SEPTIN8: variants seen among roughly 807,000 people sequenced by gnomAD.
SEPTIN8 encodes the protein septin 8.
A neutral mutation model predicts 53.1 loss-of-function variants in SEPTIN8; 22 were observed. That is an observed-to-expected ratio of 0.41 (90% CI 0.30 to 0.59). The LOEUF is 0.59. SEPTIN8 is among the 20% of genes least tolerant of loss of function. SEPTIN8 has a pLI of 0.24. For missense variants in SEPTIN8, 536 were observed against 638.7 expected (o/e 0.84, Z 1.73); for synonymous variants, 228 against 248.4 (o/e 0.92, Z 0.77).
At chr5:132,769,549 G>A (rs1424533812) in intron 1 of SEPTIN8, among the ~76,000 whole-genome samples, 1 of 152,130 alleles carries the variant, frequency 6.6e-6, no homozygotes, top group Non-Finnish European at 1.5e-5. Context: ...TAACTAACAT[G>A]TATTGCATGC....
At chr5:132,779,999 T>G (rs1230963142), upstream of SEPTIN8, among the ~76,000 whole-genome samples, 1 of 152,238 alleles carries the variant, frequency 6.6e-6, no homozygotes, top group African/African-American at 2.4e-5. Context: ...CACACTTTCT[T>G]CTTGTTGCTT....
At chr5:132,774,486 A>C (rs1561775905) in intron 1 of SEPTIN8, among the ~76,000 whole-genome samples, 1 of 152,188 alleles carries the variant, frequency 6.6e-6, no homozygotes, top group Non-Finnish European at 1.5e-5. Context: ...CGAGGAAGGC[A>C]AGAGGCAACA....
Position 132,776,972 on chromosome 5 carries a change from G to A in SEPTIN8, c.30+136C>T. The stretch of plus-strand genomic sequence containing the variant: ...TAGCGCGGCCGAGAGCCCGCGCCGG[G>A]GTCCTCGAGCTGGCCCGGTGTCGAG... On this transcript the variant is annotated intron_variant, in intron 1 of 9. Transcript: ENST00000378719. This position sits in a 1 kb window ranked among gnomAD's most constrained non-coding sequence, Gnocchi z 4.4. The A allele has an allele frequency of 4.5e-6, 2 of 443,254 alleles. No individual in the cohort carries two copies. Among genetic ancestry groups the A allele is most frequent in the Non-Finnish European group, 6.5e-6 (2 of 305,414 alleles). The allele number at this position is 443,254 out of a possible 1,614,324, so 27.5% of individuals were successfully genotyped here. A position where few individuals can be genotyped will look rare whatever the true frequency, so the allele number is the denominator to read the frequency against.
chr5:132,770,105 ATATG>A (rs1468976405), intron 1 of SEPTIN8, among the ~76,000 whole-genome samples: 887 of 25,132 alleles, frequency 0.035, 11 homozygotes, highest in Middle Eastern at 0.043. Context: ...ATATATGTAT[ATATG>A]TATATATATA....
In SEPTIN8 at chr5:132,777,174, C is replaced by G. The variant is rs960056635; in HGVS notation, c.-37G>C. 2.6e-6 allele frequency: 3 copies of G among 1,165,520 alleles called. No individual in the cohort carries two copies. The East Asian group carries it at 1.2e-4, about 45-fold the overall frequency. 72.2% of individuals were successfully genotyped at this position (1,165,520 alleles called of 1,614,324 possible). Reference sequence around the variant, plus strand: ...CACCGGGCGGGTGGGCTGGGACGAGCGCAGGGGCAGCGACAGGGACCAGCC... The same window carrying G: ...CACCGGGCGGGTGGGCTGGGACGAGGGCAGGGGCAGCGACAGGGACCAGCC... On this transcript the variant is annotated 5_prime_UTR_variant, in exon 1 of 10. Coordinates refer to ENST00000378719, the MANE Select transcript of SEPTIN8 (RefSeq NM_001098811.2). This position sits in a 1 kb window ranked among gnomAD's most constrained non-coding sequence, Gnocchi z 4.1.
At chr5:132,763,075 G>A (rs1363416267) in intron 4 of SEPTIN8, among the ~76,000 whole-genome samples, 3 of 152,152 alleles carry the variant, frequency 2.0e-5, no homozygotes, top group Non-Finnish European at 2.9e-5. Flanking sequence ...AGGCTATCCC[G>A]TTTTTTACAA....
Position 132,751,209 on chromosome 5 carries a change from TA to T in SEPTIN8, c.*806del, listed in dbSNP as rs1754817357. On this transcript the variant is annotated 3_prime_UTR_variant, in exon 10 of 10. Transcript: ENST00000378719. ...CCAGACTCCCACTTCTAAAGGACATTAAATTAACTTTACAAAGATTTTTAGA... is the reference window on the plus strand; with the variant it reads ...CCAGACTCCCACTTCTAAAGGACATTAATTAACTTTACAAAGATTTTTAGA... The T allele has an allele frequency of 4.2e-6, 2 of 471,604 alleles. No homozygotes were observed. The highest frequency in any genetic ancestry group is 7.3e-6 in the Non-Finnish European group (2 of 273,902). 29.2% of individuals were successfully genotyped at this position (471,604 alleles called of 1,614,324 possible). A position where few individuals can be genotyped will look rare whatever the true frequency, so the allele number is the denominator to read the frequency against.
At chr5:132,777,855 T>A, upstream of SEPTIN8, 2 of 985,488 alleles carry the variant, frequency 2.0e-6, no homozygotes, top group Non-Finnish European at 2.4e-6. The surrounding 1 kb of genome is among the most constrained non-coding windows in gnomAD (Gnocchi z 4.1). Flanking sequence ...CGGCTCCTTG[T>A]GCAACCAACG....
Position 132,751,038 on chromosome 5 carries a change from T to G in SEPTIN8, c.*978A>C, listed in dbSNP as rs2149937318. ...TTTACAGAGTCTACCCTAAACTCGTTTGTGCCTTTGGAACAGCTGTTTACA... is the reference window on the plus strand; with the variant it reads ...TTTACAGAGTCTACCCTAAACTCGTGTGTGCCTTTGGAACAGCTGTTTACA... On this transcript the variant is annotated 3_prime_UTR_variant, in exon 10 of 10. Coordinates refer to ENST00000378719, the MANE Select transcript of SEPTIN8 (RefSeq NM_001098811.2). The G allele has an allele frequency of 6.2e-7, 1 of 1,603,412 alleles. No homozygotes were observed.
chr5:132,751,184 C>G lies in SEPTIN8; in HGVS notation c.*832G>C. ...GTATCTTAAATCCAACACAGTTCCA[C>G]CAGACTCCCACTTCTAAAGGACATT... On this transcript the variant is annotated 3_prime_UTR_variant, in exon 10 of 10. Coordinates refer to ENST00000378719, the MANE Select transcript of SEPTIN8 (RefSeq NM_001098811.2). 1 of 527,496 alleles carries G rather than the reference C, an allele frequency of 1.9e-6. No individual in the cohort carries two copies. The highest frequency in any genetic ancestry group is 3.2e-6 in the Non-Finnish European group (1 of 312,706). The allele number at this position is 527,496 out of a possible 1,614,324, so 32.7% of individuals were successfully genotyped here.
chr5:132,763,579 T>TG, intron 4 of SEPTIN8, 127 bp downstream of exon 4: 1 of 816,358 alleles, frequency 1.2e-6, no homozygotes, highest in Non-Finnish European at 2.0e-6. Flanking sequence ...ACCGAGCCAA[T>TG]GGGGGGCCAC....
In SEPTIN8 at chr5:132,770,109, G is replaced by GTATA. The variant is rs376943829; in HGVS notation, c.31-4584_31-4581dup. 6.2e-3 allele frequency among the ~76,000 whole-genome samples: 504 copies of GTATA among 80,740 alleles called. 7 individuals are homozygous for GTATA. The highest frequency in any genetic ancestry group is 0.017 in the Admixed American group (122 of 7,224). 53.0% of individuals were successfully genotyped at this position (80,740 alleles called of 152,430 possible). On this transcript the variant is annotated intron_variant, in intron 1 of 9. Transcript: ENST00000378719. ...TATATGTATATATATATGTATATAT[G>GTATA]TATATATATATATATGTATATATGT...
rs763130178 is a variant in SEPTIN8 at position 132,764,436 on chromosome 5, G to C, written c.152-17C>G. On this transcript the variant is annotated splice_polypyrimidine_tract_variant and intron_variant, in intron 2 of 9. Coordinates refer to ENST00000378719, the MANE Select transcript of SEPTIN8 (RefSeq NM_001098811.2). ...CGGTCTCCCCTGGGCAGTGAGGACA[G>C]GAGGGGAAGAAGTGGGTGTCATAGG... is the stretch of plus-strand genomic sequence containing the variant. The C allele has an allele frequency of 6.2e-7, 1 of 1,601,698 alleles. No homozygotes were observed. Among genetic ancestry groups the C allele is most frequent in the South Asian group, 1.1e-5 (1 of 89,180 alleles).
chr5:132,763,795 T>G lies in SEPTIN8; in HGVS notation c.445A>C (p.Arg149=), dbSNP rs1412381939. 1 of 1,613,686 alleles carries G rather than the reference T, an allele frequency of 6.2e-7. No homozygotes were observed. The highest frequency in any genetic ancestry group is 1.1e-5 in the South Asian group (1 of 90,986). ...RRSLFDYHDT[R]IHVCLYFITP... Reference sequence around the variant, plus strand: ...ATGAAGTAGAGGCAAACGTGGATCCTTGTGTCATGGTAGTCGAAGAGCGAG... The same window carrying G: ...ATGAAGTAGAGGCAAACGTGGATCCGTGTGTCATGGTAGTCGAAGAGCGAG... The change falls in exon 4 of 10, where the codon AGG becomes CGG. Residue 149 remains arginine (R), a synonymous_variant. Coordinates refer to ENST00000378719, the MANE Select transcript of SEPTIN8 (RefSeq NM_001098811.2).
chr5:132,755,843 G>A (rs1425548044), intron 9 of SEPTIN8, among the ~76,000 whole-genome samples: 4 of 152,090 alleles, frequency 2.6e-5, no homozygotes, highest in Admixed American at 1.3e-4. Context: ...ACAGATGTCT[G>A]TAGCAGGGTT....
chr5:132,764,426 A>G lies in SEPTIN8; in HGVS notation c.152-7T>C, dbSNP rs542399030. 5 of 1,608,542 alleles carry G rather than the reference A, an allele frequency of 3.1e-6. No homozygotes were observed. Among genetic ancestry groups the G allele is most frequent in the Non-Finnish European group, 4.2e-6 (5 of 1,176,890 alleles). ...TTGCCAATGCCGGTCTCCCCTGGGC[A>G]GTGAGGACAGGAGGGGAAGAAGTGG... On this transcript the variant is annotated splice_polypyrimidine_tract_variant and splice_region_variant and intron_variant, in intron 2 of 9. Coordinates refer to ENST00000378719, the MANE Select transcript of SEPTIN8 (RefSeq NM_001098811.2).
upstream of SEPTIN8, chr5:132,777,483 CG>C (rs1282824966): frequency 2.3e-5 from 22 of 974,146 alleles, no homozygotes; most frequent in Non-Finnish European, 2.6e-5. This position sits in a 1 kb window ranked among gnomAD's most constrained non-coding sequence, Gnocchi z 4.1. Flanking sequence ...TCGGGGGGCT[CG>C]GGGCTGGTGC....
intron 9 of SEPTIN8, among the ~76,000 whole-genome samples, chr5:132,754,789 G>C (rs1189617122): frequency 1.3e-5 from 2 of 152,150 alleles, no homozygotes; most frequent in African/African-American, 4.8e-5. Flanking sequence ...ACATTTCTCA[G>C]GGAGAAATAT....
intron 1 of SEPTIN8, among the ~76,000 whole-genome samples, chr5:132,775,534 C>G (rs1757710094): frequency 6.6e-6 from 1 of 152,172 alleles, no homozygotes; most frequent in Admixed American, 6.5e-5. Flanking sequence ...GGTTAAATAA[C>G]CTGCCCAAGG....
Sources: allele counts gnomAD v4.1 joint callset (sites outside exome capture counted in the v4.1 genomes callset), GRCh38; gene constraint gnomAD v4.1.1; non-coding constraint Gnocchi (gnomAD v3.1); transcripts MANE v1.5; gene names NCBI Gene and HGNC (gene_info 2026-07-23, HGNC 2026-07-21).